Variants in GRID2 observed in about 807,000 individuals in gnomAD.
The protein encoded by GRID2 is glutamate receptor ionotropic, delta-2.
A neutral mutation model predicts 114.8 loss-of-function variants in GRID2; 33 were observed. The ratio of observed to expected loss-of-function variants is 0.29; its 90% confidence interval spans 0.22 to 0.38. The LOEUF is 0.38. GRID2 is among the 10% of genes least tolerant of loss of function. The probability of loss-of-function intolerance (pLI) is 1.00; values close to 1 mark genes in which losing one functional copy is unlikely to be tolerated. For missense variants in GRID2, 1,184 were observed against 1,257.7 expected (o/e 0.94, Z 0.89); for synonymous variants, 505 against 449.9 (o/e 1.12, Z -1.55).
intron 1 of GRID2, among the ~76,000 whole-genome samples, chr4:92,540,387 A>G (rs1725875256): frequency 6.6e-6 from 1 of 152,196 alleles, no homozygotes; most frequent in Admixed American, 6.5e-5. Context: ...AAATTTTTGC[A>G]ATCTACTCAT....
intron 2 of GRID2, among the ~76,000 whole-genome samples, chr4:92,699,858 A>C (rs1191718295): frequency 6.6e-6 from 1 of 152,146 alleles, no homozygotes; most frequent in Non-Finnish European, 1.5e-5. Flanking sequence ...GATTAATAAA[A>C]GCCCTTTTAG....
chr4:92,561,734 T>A (rs1727113062), intron 1 of GRID2, among the ~76,000 whole-genome samples: 1 of 152,214 alleles, frequency 6.6e-6, no homozygotes, highest in Non-Finnish European at 1.5e-5. Context: ...TTAGTTCTAA[T>A]TTTGAATGCC....
At chr4:92,809,018 T>C (rs1740546120) in intron 2 of GRID2, among the ~76,000 whole-genome samples, 1 of 151,888 alleles carries the variant, frequency 6.6e-6, no homozygotes, top group Non-Finnish European at 1.5e-5. Flanking sequence ...TTTACAAATA[T>C]TTTCACATAG....
intron 2 of GRID2, among the ~76,000 whole-genome samples, chr4:92,983,506 T>C (rs1365116619): frequency 6.6e-6 from 1 of 152,134 alleles, no homozygotes; most frequent in Non-Finnish European, 1.5e-5. Flanking sequence ...TGCATTTACA[T>C]CATTTGACAT....
chr4:93,533,298 C>CTTCT (rs1560722486), intron 13 of GRID2, among the ~76,000 whole-genome samples: 1 of 110,584 alleles, frequency 9.0e-6, no homozygotes, highest in East Asian at 2.4e-4. Context: ...TCCTTCCTTC[C>CTTCT]TTCCTTCCTT....
At chr4:93,142,448 G>A (rs1194845584) in intron 4 of GRID2, among the ~76,000 whole-genome samples, 1 of 152,034 alleles carries the variant, frequency 6.6e-6, no homozygotes, top group Admixed American at 6.6e-5. Flanking sequence ...TATGGCAGAC[G>A]GGGTGAACAA....
chr4:93,564,558 C>A (rs1224752285), intron 13 of GRID2, among the ~76,000 whole-genome samples: 2 of 152,006 alleles, frequency 1.3e-5, no homozygotes, highest in African/African-American at 4.8e-5. Flanking sequence ...CACAAAAGCT[C>A]AAAATCTGCT....
chr4:93,723,863 A>C (rs563318812), intron 14 of GRID2, among the ~76,000 whole-genome samples: 1 of 152,296 alleles, frequency 6.6e-6, no homozygotes, highest in East Asian at 1.9e-4. Flanking sequence ...TTATTTAGTA[A>C]AATAACAAAC....
rs115541438 is a variant in GRID2, at chr4:92,492,838, A to T, written c.89-97293A>T. Among the ~76,000 whole-genome samples, 596 of 152,142 alleles carry T rather than the reference A, an allele frequency of 3.9e-3. 8 individuals are homozygous for T. The highest frequency in any genetic ancestry group is 0.014 in the African/African-American group (563 of 41,482). On this transcript the variant is annotated intron_variant, in intron 1 of 15. Coordinates refer to ENST00000282020, the MANE Select transcript of GRID2 (RefSeq NM_001510.4). Reference sequence around the variant, plus strand: ...AACAATACCCAGGGCTAAATGGAATACAGTTTTAGGCCAGGCGCAGTGGCT... The same window carrying T: ...AACAATACCCAGGGCTAAATGGAATTCAGTTTTAGGCCAGGCGCAGTGGCT...
chr4:93,070,483 A>G (rs1263547088), intron 2 of GRID2, among the ~76,000 whole-genome samples: 1 of 152,094 alleles, frequency 6.6e-6, no homozygotes, highest in Non-Finnish European at 1.5e-5. Context: ...GTGAAATGTG[A>G]TTATCAAAAA....
intron 1 of GRID2, among the ~76,000 whole-genome samples, chr4:92,541,483 C>CAAT (rs10643398): frequency 0.2 from 30,822 of 150,678 alleles, 3,329 homozygotes; most frequent in South Asian, 0.29. Context: ...CTCAATTTTC[C>CAAT]AATAATAATA....
chr4:92,636,643 A>T (rs888243542), intron 2 of GRID2, among the ~76,000 whole-genome samples: 1 of 151,964 alleles, frequency 6.6e-6, no homozygotes, highest in African/African-American at 2.4e-5. Context: ...GTCAGACTTC[A>T]ACATACTGTG....
intron 14 of GRID2, among the ~76,000 whole-genome samples, chr4:93,678,570 G>C (rs1195773303): frequency 5.3e-5 from 8 of 152,128 alleles, no homozygotes; most frequent in Admixed American, 2.0e-4. Context: ...CAGACTAACA[G>C]CAGATCTCTC....
intron 1 of GRID2, among the ~76,000 whole-genome samples, chr4:93,800,632 T>TA (rs1734909700): frequency 6.6e-6 from 1 of 152,230 alleles, no homozygotes; most frequent in South Asian, 2.1e-4. Flanking sequence ...AAAAAGTTTT[T>TA]ATGTTTTTCT....
chr4:92,648,587 T>G (rs1360950472), intron 2 of GRID2, among the ~76,000 whole-genome samples: 1 of 149,458 alleles, frequency 6.7e-6, no homozygotes, highest in Non-Finnish European at 1.5e-5. Flanking sequence ...GTAGAAAATT[T>G]AAAAATAATA....
At chr4:92,917,862 A>G (rs1748943871) in intron 2 of GRID2, among the ~76,000 whole-genome samples, 1 of 152,184 alleles carries the variant, frequency 6.6e-6, no homozygotes, top group African/African-American at 2.4e-5. Context: ...TGAGCTTTAA[A>G]GTAGTTTTTT....
intron 1 of GRID2, among the ~76,000 whole-genome samples, chr4:93,798,792 T>G (rs1323242328): frequency 6.6e-6 from 1 of 152,168 alleles, no homozygotes; most frequent in Non-Finnish European, 1.5e-5. Context: ...GAATGGATCA[T>G]GGTGTGGCTG....
intron 14 of GRID2, among the ~76,000 whole-genome samples, chr4:93,628,915 G>A (rs747973420): frequency 9.2e-5 from 14 of 151,954 alleles, no homozygotes; most frequent in Middle Eastern, 3.4e-3. Flanking sequence ...ACACATGCAC[G>A]CCACCATACC....
intron 2 of GRID2, among the ~76,000 whole-genome samples, chr4:93,049,349 C>T (rs985007850): frequency 4.0e-5 from 6 of 151,844 alleles, no homozygotes; most frequent in Admixed American, 6.6e-5. Flanking sequence ...GATATGTGCA[C>T]GCAGATTCAG....
Sources: allele counts gnomAD v4.1 joint callset (sites outside exome capture counted in the v4.1 genomes callset), GRCh38; gene constraint gnomAD v4.1.1; transcripts MANE v1.5; gene names NCBI Gene and HGNC (gene_info 2026-07-23, HGNC 2026-07-21).